The following SLC12A2 variants were observed in gnomAD, a reference collection of about 807,000 sequenced individuals.
The protein encoded by SLC12A2 is solute carrier family 12 member 2, also known as Na-K-2Cl cotransporter 1.
Under a neutral mutation model 136.3 loss-of-function variants are expected in SLC12A2, and 67 were observed. That is an observed-to-expected ratio of 0.49 (90% CI 0.40 to 0.60). The LOEUF (loss-of-function observed/expected upper bound fraction) is 0.60, where lower values mean the gene tolerates loss of function less well. Ranked by LOEUF, SLC12A2 falls within the 20% of genes least tolerant of loss-of-function variation. The probability of loss-of-function intolerance (pLI) is 0.00; values close to 1 mark genes in which losing one functional copy is unlikely to be tolerated. For synonymous variants in SLC12A2, 619 were observed against 562.9 expected (o/e 1.10, Z -1.41); for missense variants, 1,322 against 1,534.7 (o/e 0.86, Z 2.32).
At chr5:128,142,107 T>C in intron 10 of SLC12A2, 126 bp downstream of exon 10, 17 of 850,226 alleles carry the variant, frequency 2.0e-5, no homozygotes. Context: ...TTTTTTAATT[T>C]TTAATTTTTT....
intron 4 of SLC12A2, among the ~76,000 whole-genome samples, chr5:128,128,062 C>G (rs536432747): frequency 6.6e-6 from 1 of 152,164 alleles, no homozygotes; most frequent in East Asian, 1.9e-4. Context: ...GTTCAAAATA[C>G]TTTCTAATTT....
At chr5:128,087,014 T>A (rs1760126435) in intron 1 of SLC12A2, among the ~76,000 whole-genome samples, 1 of 152,254 alleles carries the variant, frequency 6.6e-6, no homozygotes, top group African/African-American at 2.4e-5. Context: ...TGGGACTAAC[T>A]CTGTGTTGGG....
chr5:128,090,654 T>C (rs943321314), intron 1 of SLC12A2, among the ~76,000 whole-genome samples: 1 of 152,170 alleles, frequency 6.6e-6, no homozygotes. Context: ...AGATGATGGC[T>C]GGGTGATGCT....
At chr5:128,133,087 AGATAT>A (rs1233685002) in intron 5 of SLC12A2, among the ~76,000 whole-genome samples, 1 of 152,072 alleles carries the variant, frequency 6.6e-6, no homozygotes, top group African/African-American at 2.4e-5. Flanking sequence ...AGTAATTCTC[AGATAT>A]GATTTTCCAA....
intron 16 of SLC12A2, among the ~76,000 whole-genome samples, chr5:128,158,782 T>C (rs966155466): frequency 5.9e-5 from 9 of 152,170 alleles, no homozygotes. Context: ...GCCAAACTGC[T>C]TTCCATAGTG....
rs1167845927 is a variant in SLC12A2 at position 128,154,972 on chromosome 5, GT to G, written c.2363+2178del. On this transcript the variant is annotated intron_variant, in intron 15 of 26. Coordinates refer to ENST00000262461, the MANE Select transcript of SLC12A2 (RefSeq NM_001046.3). ...TTTCACTTAAAGGAAGCATTTTACA[GT>G]TTTTTTTTTTGGCATATTCAAATTG... is the stretch of plus-strand genomic sequence containing the variant. Among the ~76,000 whole-genome samples, 419 of 145,914 alleles carry G rather than the reference GT, an allele frequency of 2.9e-3. 2 individuals carry two copies. The highest frequency in any genetic ancestry group is 9.3e-3 in the African/African-American group (374 of 40,178).
intron 22 of SLC12A2, among the ~76,000 whole-genome samples, chr5:128,179,734 AC>A (rs770957074): frequency 6.6e-6 from 1 of 151,858 alleles, no homozygotes; most frequent in African/African-American, 2.4e-5. Context: ...TGAGGGACTG[AC>A]CCCCATGATC....
intron 16 of SLC12A2, among the ~76,000 whole-genome samples, chr5:128,158,601 C>T (rs1384395827): frequency 1.3e-5 from 2 of 152,132 alleles, no homozygotes; most frequent in African/African-American, 4.8e-5. Flanking sequence ...TCCAGTCTAC[C>T]ATTGATGGGC....
chr5:128,107,885 T>A (rs1467961407), intron 1 of SLC12A2, among the ~76,000 whole-genome samples: 1 of 152,138 alleles, frequency 6.6e-6, no homozygotes, highest in South Asian at 2.1e-4. Context: ...TCACAATGGT[T>A]GAACTAATTT....
chr5:128,094,838 A>G (rs1007138509), intron 1 of SLC12A2, among the ~76,000 whole-genome samples: 1 of 152,120 alleles, frequency 6.6e-6, no homozygotes, highest in South Asian at 2.1e-4. Flanking sequence ...TTAACTTTAA[A>G]TTAACATTGT....
chr5:128,110,880 C>G, intron 1 of SLC12A2: 1 of 1,285,058 alleles, frequency 7.8e-7, no homozygotes, highest in Non-Finnish European at 1.1e-6. Context: ...AGGAATATGC[C>G]AATTTACAAG....
intron 1 of SLC12A2, chr5:128,109,897 G>A: frequency 1.3e-6 from 1 of 794,958 alleles, no homozygotes; most frequent in Admixed American, 1.7e-5. Context: ...ATTGTGACTG[G>A]CCTTTGCAAG....
intron 1 of SLC12A2, among the ~76,000 whole-genome samples, chr5:128,099,327 TAAAAA>T (rs1760661550): frequency 2.6e-5 from 4 of 152,036 alleles, no homozygotes; most frequent in Non-Finnish European, 5.9e-5. Context: ...ACCTAAACAG[TAAAAA>T]TACAATATAA....
At chr5:128,146,784 C>T (rs1023207425) in intron 10 of SLC12A2, among the ~76,000 whole-genome samples, 13 of 151,712 alleles carry the variant, frequency 8.6e-5, no homozygotes, top group African/African-American at 3.1e-4. Flanking sequence ...AAAAAAATAA[C>T]CACAATACTA....
Position 128,084,402 on chromosome 5 carries a change from T to A in SLC12A2, c.448T>A (p.Ser150Thr), listed in dbSNP as rs758566830. 2.1e-5 allele frequency: 34 copies of A among 1,610,806 alleles called. No homozygotes were observed. Among genetic ancestry groups the A allele is most frequent in the Non-Finnish European group, 2.8e-5 (33 of 1,178,914 alleles). The change falls in exon 1 of 27, where the codon TCG becomes ACG. Residue 150 changes from serine (S) to threonine (T), a missense_variant. Ser to Thr is a moderately conservative substitution (Grantham distance 58). Transcript: ENST00000262461. This position sits in a 1 kb window ranked among gnomAD's most constrained non-coding sequence, Gnocchi z 5.6. ...GAACTTCGTGGACCCAGCTGCCTCC[T>A]CGTCGGCTGAAGACAGCCTGTCAGA... ...RVNFVDPAAS[S>T]SAEDSLSDAA...
chr5:128,110,313 G>A, intron 1 of SLC12A2: 1 of 868,214 alleles, frequency 1.2e-6, no homozygotes, highest in Non-Finnish European at 2.0e-6. Context: ...TTGACTGACT[G>A]TTTTAGAAAC....
chr5:128,138,087 G>A (rs540555314), intron 7 of SLC12A2, among the ~76,000 whole-genome samples: 1 of 152,076 alleles, frequency 6.6e-6, no homozygotes, highest in South Asian at 2.1e-4. Context: ...ACAGGCATGT[G>A]CCACCACTCC....
At chr5:128,135,995 T>C (rs923526287) in intron 7 of SLC12A2, among the ~76,000 whole-genome samples, 187 bp downstream of exon 7, 5 of 152,142 alleles carry the variant, frequency 3.3e-5, no homozygotes, top group Non-Finnish European at 1.5e-5. Flanking sequence ...TCTATTTACA[T>C]CTTTTCTTTT....
At chr5:128,154,908 T>G (rs904059655) in intron 15 of SLC12A2, among the ~76,000 whole-genome samples, 5 of 152,176 alleles carry the variant, frequency 3.3e-5, no homozygotes, top group Non-Finnish European at 5.9e-5. Context: ...TAGTAACCTT[T>G]GCGTAAAATT....
Sources: allele counts gnomAD v4.1 joint callset (sites outside exome capture counted in the v4.1 genomes callset), GRCh38; gene constraint gnomAD v4.1.1; non-coding constraint Gnocchi (gnomAD v3.1); transcripts MANE v1.5; gene names NCBI Gene and HGNC (gene_info 2026-07-23, HGNC 2026-07-21).